The following RSU1 variants were observed in gnomAD, a reference collection of about 807,000 sequenced individuals.
RSU1 encodes Ras suppressor protein 1.
RSU1 carries 26 observed loss-of-function variants against 31.1 expected under a neutral mutation model. The ratio of observed to expected loss-of-function variants is 0.84; its 90% confidence interval spans 0.61 to 1.16. The LOEUF is 1.16. Among genes scored for constraint, RSU1 ranks in the 50% most tolerant of loss-of-function variants. The pLI is 0.00. For missense variants in RSU1, 320 were observed against 339.1 expected (o/e 0.94, Z 0.44); for synonymous variants, 164 against 136.3 (o/e 1.20, Z -1.41).
At position 16,619,671 on chromosome 10, in the gene RSU1, T is replaced by G. The variant is rs76933941; in HGVS notation, c.732-26175A>C. On this transcript the variant is annotated intron_variant, in intron 8 of 8. Coordinates refer to ENST00000345264, the MANE Select transcript of RSU1 (RefSeq NM_012425.4). ...TGAAAGACTCCTGAGCCTAGACTTATGGACACATGGACAGAATATGGTCAT... is the reference window on the plus strand; with the variant it reads ...TGAAAGACTCCTGAGCCTAGACTTAGGGACACATGGACAGAATATGGTCAT... 9.2e-5 allele frequency among the ~76,000 whole-genome samples: 14 copies of G among 152,336 alleles called. 1 individual carries two copies. In the East Asian group the frequency reaches 2.7e-3, roughly 29 times the overall value.
chr10:16,700,685 T>C (rs1835774502), intron 7 of RSU1, among the ~76,000 whole-genome samples: 1 of 152,188 alleles, frequency 6.6e-6, no homozygotes, highest in African/African-American at 2.4e-5. Context: ...GGAACACACT[T>C]TACTGAGTGG....
rs56715139 is a variant in RSU1, at chr10:16,695,157, T to TGGG, written c.599-5_599-3dup. 8.5e-5 allele frequency: 102 copies of TGGG among 1,204,084 alleles called. No individual in the cohort carries two copies. The highest frequency in any genetic ancestry group is 1.4e-4 in the South Asian group (9 of 64,404). The allele number at this position is 1,204,084 out of a possible 1,614,324, so 74.6% of individuals were successfully genotyped here. ...TCTGGCCAGTTAAATCCAAGTTTCC[T>TGGG]GGGGGGGGGGAAAAAAAAAGTGAAG... On this transcript the variant is annotated splice_polypyrimidine_tract_variant and splice_region_variant and intron_variant, in intron 7 of 8. Coordinates refer to ENST00000345264, the MANE Select transcript of RSU1 (RefSeq NM_012425.4).
chr10:16,683,877 G>T (rs1835384989), intron 8 of RSU1, among the ~76,000 whole-genome samples: 2 of 152,246 alleles, frequency 1.3e-5, no homozygotes, highest in Non-Finnish European at 2.9e-5. Flanking sequence ...ACAATTCGAA[G>T]CTGGGTCTTC....
rs747888728 is a variant in RSU1, at chr10:16,594,707, AAT to A, written c.732-1213_732-1212del. Among the ~76,000 whole-genome samples the A allele has an allele frequency of 1.1e-4, 16 of 147,624 alleles. No individual in the cohort carries two copies. In the South Asian group the frequency reaches 1.7e-3, roughly 16 times the overall value. ...TCTGTATATTATATGTATCATAGAT[AAT>A]ATATGATACATATAGATAATATATC... On this transcript the variant is annotated intron_variant, in intron 8 of 8. Transcript: ENST00000345264.
rs201430066 is a variant in RSU1 at position 16,763,163 on chromosome 10, T to G, written c.281+1227A>C. Among the ~76,000 whole-genome samples the G allele has an allele frequency of 4.6e-4, 70 of 152,340 alleles. No homozygotes were observed. In the East Asian group the frequency reaches 0.012, roughly 27 times the overall value. ...TGAGTGGGCAGTTTCATCTGATAGC[T>G]GCGCCAATGAAGATGAAATTCTGAT... On this transcript the variant is annotated intron_variant, in intron 4 of 8. Coordinates refer to ENST00000345264, the MANE Select transcript of RSU1 (RefSeq NM_012425.4).
rs1191790705 is a variant in RSU1 at position 16,637,732 on chromosome 10, G to A, written c.732-44236C>T. On this transcript the variant is annotated intron_variant, in intron 8 of 8. Coordinates refer to ENST00000345264, the MANE Select transcript of RSU1 (RefSeq NM_012425.4). ...TAAGAGTGAGCATTTAGATGACCGCGTAAACATGACTAGTAAAGCCACTTA... is the reference window on the plus strand; with the variant it reads ...TAAGAGTGAGCATTTAGATGACCGCATAAACATGACTAGTAAAGCCACTTA... 4.6e-5 allele frequency among the ~76,000 whole-genome samples: 7 copies of A among 151,870 alleles called. No homozygotes were observed. The East Asian group carries it at 5.8e-4, about 13-fold the overall frequency.
chr10:16,715,361 G>C (rs1248141394), intron 7 of RSU1, among the ~76,000 whole-genome samples: 1 of 152,146 alleles, frequency 6.6e-6, no homozygotes, highest in Non-Finnish European at 1.5e-5. Flanking sequence ...TGGTGTCATA[G>C]CCAAGAAGTC....
chr10:16,720,417 T>C (rs1380733903), intron 7 of RSU1, among the ~76,000 whole-genome samples: 2 of 152,192 alleles, frequency 1.3e-5, no homozygotes, highest in Non-Finnish European at 2.9e-5. Flanking sequence ...AGTCACTACA[T>C]CATGACAGAT....
chr10:16,742,063 G>A (rs1298106640), intron 7 of RSU1, among the ~76,000 whole-genome samples: 5 of 152,236 alleles, frequency 3.3e-5, no homozygotes, highest in African/African-American at 4.8e-5. Context: ...CCAAGGAGAA[G>A]AGCCGATATT....
chr10:16,732,280 C>T (rs1388735809), intron 7 of RSU1, among the ~76,000 whole-genome samples: 1 of 152,196 alleles, frequency 6.6e-6, no homozygotes, highest in South Asian at 2.1e-4. Context: ...TAAAATCTCA[C>T]CTCTACTTCC....
intron 8 of RSU1, among the ~76,000 whole-genome samples, chr10:16,688,296 G>C (rs1483526470): frequency 6.6e-6 from 1 of 152,132 alleles, no homozygotes; most frequent in Non-Finnish European, 1.5e-5. Flanking sequence ...ATGTGATAAT[G>C]CATTTTCAAC....
chr10:16,684,736 T>C (rs1303374790), intron 8 of RSU1, among the ~76,000 whole-genome samples: 1 of 152,146 alleles, frequency 6.6e-6, no homozygotes, highest in Admixed American at 6.5e-5. Context: ...TACTTGGTTA[T>C]GGCAGCCAAA....
chr10:16,794,367 G>A (rs745589727), intron 2 of RSU1, among the ~76,000 whole-genome samples: 1 of 152,176 alleles, frequency 6.6e-6, no homozygotes, highest in Non-Finnish European at 1.5e-5. Flanking sequence ...GGAAGTGCCT[G>A]AAAATTTTTT....
intron 8 of RSU1, among the ~76,000 whole-genome samples, chr10:16,595,714 G>GA (rs1166924238): frequency 6.6e-6 from 1 of 152,072 alleles, no homozygotes; most frequent in East Asian, 1.9e-4. Flanking sequence ...CTCCTTAAGA[G>GA]AATCTGAACT....
chr10:16,745,417 G>A (rs1001012333), intron 7 of RSU1, among the ~76,000 whole-genome samples: 3 of 152,206 alleles, frequency 2.0e-5, no homozygotes, highest in East Asian at 1.9e-4. Flanking sequence ...AGACATACCC[G>A]AGACTGGGCA....
intron 8 of RSU1, 93 bp from the exon 9 acceptor site, chr10:16,593,589 A>G (rs758664501): frequency 2.4e-5 from 23 of 976,936 alleles, no homozygotes; most frequent in Non-Finnish European, 3.7e-5. Context: ...AGAATCTCCA[A>G]AAATATTCAG....
intron 4 of RSU1, among the ~76,000 whole-genome samples, chr10:16,762,067 T>C (rs962855342): frequency 2.0e-5 from 3 of 152,196 alleles, no homozygotes; most frequent in East Asian, 3.9e-4. Context: ...TGTGACCTCA[T>C]TGGTCTGTTC....
intron 7 of RSU1, among the ~76,000 whole-genome samples, chr10:16,739,411 G>A (rs562290570): frequency 8.8e-4 from 133 of 150,960 alleles, no homozygotes; most frequent in Middle Eastern, 6.9e-3. Context: ...ATTCTAACTG[G>A]TGTGAGATGG....
chr10:16,599,013 T>C (rs77292975), intron 8 of RSU1, among the ~76,000 whole-genome samples: 2,070 of 152,312 alleles, frequency 0.014, 58 homozygotes, highest in African/African-American at 0.047. Context: ...CGAGAGGAAG[T>C]GCAAACAGCT....
Sources: allele counts gnomAD v4.1 joint callset (sites outside exome capture counted in the v4.1 genomes callset), GRCh38; gene constraint gnomAD v4.1.1; transcripts MANE v1.5; gene names NCBI Gene and HGNC (gene_info 2026-07-23, HGNC 2026-07-21).